The following PLSCR1 variants were observed in gnomAD, a reference collection of about 807,000 sequenced individuals.
PLSCR1 encodes the protein PL scramblase 1.
PLSCR1 carries 17 observed loss-of-function variants against 37.8 expected under a neutral mutation model. The ratio of observed to expected loss-of-function variants is 0.45; its 90% CI spans 0.31 to 0.68. PLSCR1 has a LOEUF of 0.68. PLSCR1 is among the 30% of genes least tolerant of loss of function. The pLI is 0.06. For synonymous variants in PLSCR1, 116 were observed against 125.9 expected (o/e 0.92, Z 0.53); for missense variants, 347 against 380.9 (o/e 0.91, Z 0.74).
chr3:146,542,803 T>C (rs1305066035), intron 1 of PLSCR1, among the ~76,000 whole-genome samples: 2 of 152,112 alleles, frequency 1.3e-5, no homozygotes, highest in Non-Finnish European at 2.9e-5. Flanking sequence ...TCACTAAATA[T>C]AAAGCTTGTG....
In PLSCR1 at chr3:146,528,812, G is replaced by A. The variant is rs1291750727; in HGVS notation, c.114C>T (p.Gly38=). 1 of 1,613,792 alleles carries A rather than the reference G, an allele frequency of 6.2e-7. No individual in the cohort carries two copies. Among genetic ancestry groups the A allele is most frequent in the Non-Finnish European group, 8.5e-7 (1 of 1,179,800 alleles). Residue 38 remains glycine, a synonymous_variant, in exon 4 of 9, where the codon GGC becomes GGT. Transcript: ENST00000342435. ...TAFQGPPGYS[G]YPGPQVSYPP... The stretch of plus-strand genomic sequence containing the variant: ...GGTAGCTGACCTGGGGCCCAGGGTA[G>A]CCACTATATCCTGGAGGTCCTGAAA...
intron 3 of PLSCR1, among the ~76,000 whole-genome samples, chr3:146,531,273 C>G (rs906450660): frequency 6.6e-6 from 1 of 152,132 alleles, no homozygotes; most frequent in Admixed American, 6.6e-5. Flanking sequence ...GCCAGTCTAG[C>G]TGAATAACAG....
At chr3:146,536,775 G>T in intron 1 of PLSCR1, 2 of 489,912 alleles carry the variant, frequency 4.1e-6, no homozygotes, top group Non-Finnish European at 3.8e-6. Context: ...GAAATTGTTG[G>T]TCAGCTCATG....
Position 146,530,079 on chromosome 3 carries a change from T to C in PLSCR1, c.95-1248A>G, listed in dbSNP as rs560189442. ...AAATGTACTTCATATTCTCTGCGAATGTGTGATTACAATGAAGATTTATAT... is the reference window on the plus strand; with the variant it reads ...AAATGTACTTCATATTCTCTGCGAACGTGTGATTACAATGAAGATTTATAT... On this transcript the variant is annotated intron_variant, in intron 3 of 8. Coordinates refer to ENST00000342435, the MANE Select transcript of PLSCR1 (RefSeq NM_021105.3). Among the ~76,000 whole-genome samples the C allele has an allele frequency of 3.3e-5, 5 of 152,340 alleles. No individual in the cohort carries two copies. The South Asian group carries it at 1.0e-3, about 32-fold the overall frequency.
chr3:146,531,098 G>C (rs529171884), intron 3 of PLSCR1, among the ~76,000 whole-genome samples: 1 of 152,306 alleles, frequency 6.6e-6, no homozygotes, highest in Non-Finnish European at 1.5e-5. Context: ...ATTGAGATGG[G>C]AAGAGAAAAA....
chr3:146,540,090 A>G (rs1043489335), intron 1 of PLSCR1, among the ~76,000 whole-genome samples: 8 of 152,236 alleles, frequency 5.3e-5, no homozygotes, highest in African/African-American at 1.7e-4. Context: ...AATGGCTTCT[A>G]CCACACTTAT....
intron 2 of PLSCR1, among the ~76,000 whole-genome samples, chr3:146,535,411 G>C (rs917150620): frequency 6.6e-6 from 1 of 152,094 alleles, no homozygotes; most frequent in Non-Finnish European, 1.5e-5. Flanking sequence ...GCAGAACAAA[G>C]AGCATGTTAA....
At chr3:146,516,687 C>T (rs1002494428) in intron 8 of PLSCR1, 4 of 197,794 alleles carry the variant, frequency 2.0e-5, no homozygotes, top group Non-Finnish European at 4.0e-5. Context: ...ATTTTTTCCA[C>T]ATATGCCTAC....
chr3:146,526,168 C>G (rs114911341), intron 4 of PLSCR1, among the ~76,000 whole-genome samples: 1 of 108,014 alleles, frequency 9.3e-6, no homozygotes, highest in African/African-American at 3.9e-5. Flanking sequence ...GGGCAACAAG[C>G]GTGAGACTCC....
chr3:146,536,870 A>G, intron 1 of PLSCR1: 1 of 248,722 alleles, frequency 4.0e-6, no homozygotes, highest in Non-Finnish European at 7.7e-6. Flanking sequence ...TAAGACTCCA[A>G]GTAGTAACCA....
chr3:146,520,510 T>C (rs1228975878), intron 7 of PLSCR1, among the ~76,000 whole-genome samples: 1 of 152,150 alleles, frequency 6.6e-6, no homozygotes, highest in Non-Finnish European at 1.5e-5. Context: ...ACACACATTA[T>C]ATAATCCCCT....
Position 146,522,004 on chromosome 3 carries a change from A to T in PLSCR1, c.405T>A (p.Phe135Leu). The T allele has an allele frequency of 6.2e-7, 1 of 1,613,126 alleles. No homozygotes were observed. The highest frequency in any genetic ancestry group is 8.5e-7 in the Non-Finnish European group (1 of 1,179,042). Reference sequence around the variant, plus strand: ...CCGCTGCAAAGTAAACCCTCTGTCCAAAGCTGTTCTTAATTTCATATTTGT... The same window carrying T: ...CCGCTGCAAAGTAAACCCTCTGTCCTAAGCTGTTCTTAATTTCATATTTGT... ...TNNKYEIKNS[F>L]GQRVYFAAED... The change falls in exon 6 of 9, where the codon TTT becomes TTA. Residue 135 changes from phenylalanine (F) to leucine (L), a missense_variant. Phe to Leu is a conservative substitution (Grantham distance 22). Coordinates refer to ENST00000342435, the MANE Select transcript of PLSCR1 (RefSeq NM_021105.3).
At chr3:146,517,348 C>T (rs979902900) in intron 7 of PLSCR1, 181 bp from the exon 8 acceptor site, 13 of 329,754 alleles carry the variant, frequency 3.9e-5, no homozygotes, top group South Asian at 1.5e-4. Context: ...TTTCATTGTA[C>T]GGAGAAATTA....
At chr3:146,532,174 G>A (rs555982956) in intron 3 of PLSCR1, among the ~76,000 whole-genome samples, 282 of 152,204 alleles carry the variant, frequency 1.9e-3, no homozygotes, top group Middle Eastern at 0.017. Flanking sequence ...AAACTCTCAA[G>A]TCTGATTATA....
rs372755858 is a variant in PLSCR1 at position 146,528,599 on chromosome 3, T to C, written c.312+15A>G. 2 of 1,594,100 alleles carry C rather than the reference T, an allele frequency of 1.3e-6. No individual in the cohort carries two copies. Among genetic ancestry groups the C allele is most frequent in the Middle Eastern group, 1.7e-4 (1 of 6,032 alleles). ...AGTTCTGTTTTTTATGAGTATTTTG[T>C]GTCTTTGAAATTACCTGACTTAAAT... On this transcript the variant is annotated intron_variant, in intron 4 of 8. Transcript: ENST00000342435.
chr3:146,525,545 C>T (rs376678116), intron 5 of PLSCR1, 60 bp downstream of exon 5: 36 of 843,912 alleles, frequency 4.3e-5, no homozygotes, highest in Admixed American at 9.7e-5. Context: ...GGTCAATGTG[C>T]CTTTATCTGC....
intron 4 of PLSCR1, chr3:146,527,906 T>A (rs983083970): frequency 6.7e-6 from 1 of 149,242 alleles, no homozygotes; most frequent in African/African-American, 2.6e-5. Flanking sequence ...AACCTCTTAT[T>A]GCTGAGATTA....
chr3:146,532,392 C>T (rs1483314891), intron 3 of PLSCR1, among the ~76,000 whole-genome samples: 1 of 152,198 alleles, frequency 6.6e-6, no homozygotes, highest in East Asian at 1.9e-4. Flanking sequence ...TTGAGTCCCA[C>T]CACTGGAAGC....
intron 4 of PLSCR1, 61 bp from the exon 5 acceptor site, chr3:146,525,708 C>T (rs2044099292): frequency 2.7e-6 from 2 of 741,626 alleles, no homozygotes; most frequent in Admixed American, 2.7e-5. Flanking sequence ...TATAAGCTAA[C>T]CAAATTAAAA....
Sources: allele counts gnomAD v4.1 joint callset (sites outside exome capture counted in the v4.1 genomes callset), GRCh38; gene constraint gnomAD v4.1.1; transcripts MANE v1.5; gene names NCBI Gene and HGNC (gene_info 2026-07-23, HGNC 2026-07-21).